Variants in VSTM4 observed in about 807,000 individuals in gnomAD.
VSTM4 encodes V-set and transmembrane domain-containing protein 4.
Under a neutral mutation model 36.4 loss-of-function variants are expected in VSTM4, and 20 were observed. The ratio of observed to expected loss-of-function variants is 0.55; its 90% CI spans 0.39 to 0.80. VSTM4 has a LOEUF of 0.80. Among genes scored for constraint, VSTM4 ranks in the 30% least tolerant of loss-of-function variants. The probability of loss-of-function intolerance (pLI) is 0.00; values close to 1 mark genes in which losing one functional copy is unlikely to be tolerated. For synonymous variants in VSTM4, 182 were observed against 173.9 expected (o/e 1.05, Z -0.37); for missense variants, 392 against 404.5 (o/e 0.97, Z 0.26).
At chr10:49,112,310 C>T (rs1183104776) in intron 1 of VSTM4, among the ~76,000 whole-genome samples, 1 of 152,210 alleles carries the variant, frequency 6.6e-6, no homozygotes, top group Non-Finnish European at 1.5e-5. Flanking sequence ...GGGCTAAGCA[C>T]TGGATGTTTA....
intron 4 of VSTM4, among the ~76,000 whole-genome samples, chr10:49,070,711 C>T (rs1844062085): frequency 6.6e-6 from 1 of 152,182 alleles, no homozygotes; most frequent in Non-Finnish European, 1.5e-5. Flanking sequence ...TGAATCTAGG[C>T]TCCAAGTCCC....
intron 7 of VSTM4, among the ~76,000 whole-genome samples, chr10:49,034,157 C>T (rs553119130): frequency 6.6e-6 from 1 of 151,276 alleles, no homozygotes; most frequent in East Asian, 2.0e-4. Flanking sequence ...ATCACCATTA[C>T]CATCACCGTC....
At chr10:49,061,484 G>A (rs1843876758) in intron 5 of VSTM4, among the ~76,000 whole-genome samples, 1 of 152,118 alleles carries the variant, frequency 6.6e-6, no homozygotes, top group Non-Finnish European at 1.5e-5. Flanking sequence ...GGGAGGAATT[G>A]AAGGATCTAA....
chr10:49,084,261 G>A (rs1426441426), intron 3 of VSTM4, among the ~76,000 whole-genome samples: 2 of 152,164 alleles, frequency 1.3e-5, no homozygotes, highest in Non-Finnish European at 2.9e-5. Context: ...TATTTTACTA[G>A]GAGGCAGTCA....
At chr10:49,021,339 T>C (rs1384401175) in intron 7 of VSTM4, among the ~76,000 whole-genome samples, 3 of 151,890 alleles carry the variant, frequency 2.0e-5, no homozygotes, top group African/African-American at 7.3e-5. Flanking sequence ...AGCCTCCAAG[T>C]ATGGAAATAA....
intron 5 of VSTM4, among the ~76,000 whole-genome samples, chr10:49,056,817 T>A (rs762408931): frequency 4.6e-5 from 7 of 152,238 alleles, no homozygotes; most frequent in Non-Finnish European, 8.8e-5. Context: ...AGTTCATTTG[T>A]GTTGCTATAA....
chr10:49,098,893 C>A (rs1844619630), intron 2 of VSTM4, among the ~76,000 whole-genome samples: 1 of 152,236 alleles, frequency 6.6e-6, no homozygotes, highest in Admixed American at 6.5e-5. Context: ...TGTTTGATAA[C>A]ATGCACACTG....
At chr10:49,062,595 T>C (rs1047768304) in intron 5 of VSTM4, among the ~76,000 whole-genome samples, 1 of 152,254 alleles carries the variant, frequency 6.6e-6, no homozygotes, top group Non-Finnish European at 1.5e-5. Flanking sequence ...TTGAGATTAT[T>C]ATGCCTGGCA....
chr10:49,101,240 A>G (rs1844660006), intron 2 of VSTM4, among the ~76,000 whole-genome samples: 1 of 152,160 alleles, frequency 6.6e-6, no homozygotes, highest in Non-Finnish European at 1.5e-5. Context: ...AAATTTGACT[A>G]CATAAATATC....
intron 2 of VSTM4, among the ~76,000 whole-genome samples, chr10:49,094,314 C>T (rs1264873774): frequency 1.3e-5 from 2 of 152,166 alleles, no homozygotes; most frequent in Non-Finnish European, 2.9e-5. Context: ...ATTTTATGGC[C>T]TCTGGGAGTT....
Position 49,018,286 on chromosome 10 carries a change from GT to G in VSTM4, c.*1363del, listed in dbSNP as rs1485945299. 1.2e-4 allele frequency: 18 copies of G among 152,190 alleles called. No homozygotes were observed. Among genetic ancestry groups the G allele is most frequent in the Admixed American group, 1.0e-3 (16 of 15,280 alleles). 9.4% of individuals were successfully genotyped at this position (152,190 alleles called of 1,614,324 possible). ...CAGAGCATTTGTGTAGCAATTTACA[GT>G]TTCTAGAACTGGCAAGATTCATTAT... On this transcript the variant is annotated 3_prime_UTR_variant, in exon 8 of 8. Transcript: ENST00000332853.
At chr10:49,033,020 G>A (rs563655058) in intron 7 of VSTM4, among the ~76,000 whole-genome samples, 23 of 151,654 alleles carry the variant, frequency 1.5e-4, no homozygotes, top group Non-Finnish European at 2.7e-4. Context: ...AATTAAAAAT[G>A]AGGCTATACT....
At position 49,095,562 on chromosome 10, in the gene VSTM4, T is replaced by G. The variant is rs185617255; in HGVS notation, c.458-9539A>C. ...ACTTTTGCATGCCTCTCTGGCCTCT[T>G]GCAACACTTTTGAGCAGGCTGTCGT... is the stretch of plus-strand genomic sequence containing the variant. On this transcript the variant is annotated intron_variant, in intron 2 of 7. Transcript: ENST00000332853. 5.3e-5 allele frequency among the ~76,000 whole-genome samples: 8 copies of G among 152,252 alleles called. No homozygotes were observed. In the East Asian group the frequency reaches 1.4e-3, roughly 26 times the overall value.
rs1346387247 is a variant in VSTM4, at chr10:49,014,948, G to GT, written c.*4701_*4702insA. On this transcript the variant is annotated 3_prime_UTR_variant, in exon 8 of 8. Transcript: ENST00000332853. ...TGTCAGGGCTTTGGCTGTGACCTAT[G>GT]CCCTGAGGACACCCCCTTTCCCGCA... 2.0e-5 allele frequency: 3 copies of GT among 152,340 alleles called. No individual in the cohort carries two copies. The highest frequency in any genetic ancestry group is 2.9e-5 in the Non-Finnish European group (2 of 68,230). 9.4% of individuals were successfully genotyped at this position (152,340 alleles called of 1,614,324 possible). A position where few individuals can be genotyped will look rare whatever the true frequency, so the allele number is the denominator to read the frequency against.
At chr10:49,066,362 G>A (rs528441318) in intron 4 of VSTM4, among the ~76,000 whole-genome samples, 3 of 152,298 alleles carry the variant, frequency 2.0e-5, no homozygotes, top group South Asian at 4.1e-4. Flanking sequence ...TTCACAAGGG[G>A]GGGATGTTTC....
At chr10:49,020,293 T>C (rs1843162174) in intron 7 of VSTM4, among the ~76,000 whole-genome samples, 1 of 152,196 alleles carries the variant, frequency 6.6e-6, no homozygotes, top group Non-Finnish European at 1.5e-5. Flanking sequence ...GAAGCAGTGC[T>C]GGGAGAAAAC....
chr10:49,100,901 A>T (rs1308257927), intron 2 of VSTM4, among the ~76,000 whole-genome samples: 1 of 152,172 alleles, frequency 6.6e-6, no homozygotes, highest in Non-Finnish European at 1.5e-5. Flanking sequence ...GATTTAGCTT[A>T]TGAAAAATGT....
chr10:49,033,621 T>G (rs1843379912), intron 7 of VSTM4, among the ~76,000 whole-genome samples: 1 of 152,214 alleles, frequency 6.6e-6, no homozygotes, highest in Non-Finnish European at 1.5e-5. Context: ...TACCAAGTAC[T>G]TTTGACAAAA....
At chr10:49,037,873 T>G (rs1329183043) in intron 7 of VSTM4, among the ~76,000 whole-genome samples, 1 of 151,016 alleles carries the variant, frequency 6.6e-6, no homozygotes, top group Admixed American at 6.6e-5. Context: ...CATCACTCAT[T>G]AGGGAAATGC....
Sources: allele counts gnomAD v4.1 joint callset (sites outside exome capture counted in the v4.1 genomes callset), GRCh38; gene constraint gnomAD v4.1.1; transcripts MANE v1.5; gene names NCBI Gene and HGNC (gene_info 2026-07-23, HGNC 2026-07-21).